Variants in TGFA observed in about 807,000 individuals in gnomAD.
The protein encoded by TGFA is protransforming growth factor alpha.
TGFA carries 12 observed loss-of-function variants against 21.7 expected under a neutral mutation model. The observed-to-expected ratio is 0.55, with a 90% CI of 0.35 to 0.90. The LOEUF is 0.90. TGFA is among the 40% of genes least tolerant of loss of function. The pLI, the probability that TGFA is intolerant of heterozygous loss-of-function variation, is 0.01. For missense variants in TGFA, 178 were observed against 210.8 expected, an observed-to-expected ratio of 0.84 and a Z score of 0.96; for synonymous variants, 79 against 88.1, an observed-to-expected ratio of 0.90 and a Z score of 0.58.
At chr2:70,519,418 C>T (rs910133943) in intron 1 of TGFA, among the ~76,000 whole-genome samples, 11 of 152,098 alleles carry the variant, frequency 7.2e-5, no homozygotes, top group Non-Finnish European at 1.3e-4. Context: ...ATTTTAACTG[C>T]GTAGCAAAAA....
intron 1 of TGFA, among the ~76,000 whole-genome samples, chr2:70,521,609 G>GTTTTTTT (rs797022948): frequency 0.013 from 998 of 78,514 alleles, 67 homozygotes; most frequent in South Asian, 0.028. Context: ...TTTTGTTGTT[G>GTTTTTTT]TTTGTTTGTT....
chr2:70,493,881 C>A (rs1254098769), intron 2 of TGFA, among the ~76,000 whole-genome samples: 6 of 152,194 alleles, frequency 3.9e-5, no homozygotes, highest in African/African-American at 1.4e-4. Context: ...TACATTAGTA[C>A]AAATTTGATT....
chr2:70,457,689 A>G (rs1436536744), intron 3 of TGFA, among the ~76,000 whole-genome samples: 2 of 151,784 alleles, frequency 1.3e-5, no homozygotes, highest in African/African-American at 2.4e-5. Flanking sequence ...TTACAGGCAC[A>G]TGCCACCATG....
intron 1 of TGFA, among the ~76,000 whole-genome samples, chr2:70,528,505 G>T (rs1270587226): frequency 1.3e-5 from 2 of 148,530 alleles, no homozygotes; most frequent in African/African-American, 5.0e-5. Context: ...GGGAGGGAAG[G>T]GTAGAACGAT....
intron 3 of TGFA, among the ~76,000 whole-genome samples, chr2:70,459,859 C>G (rs1670358483): frequency 6.6e-6 from 1 of 152,154 alleles, no homozygotes; most frequent in South Asian, 2.1e-4. Flanking sequence ...GTGAGGGAAC[C>G]CAACATGCTT....
chr2:70,457,993 C>G (rs568707378), intron 3 of TGFA, among the ~76,000 whole-genome samples: 1 of 152,184 alleles, frequency 6.6e-6, no homozygotes, highest in African/African-American at 2.4e-5. Context: ...CTAACCTTCG[C>G]TTTTAGATTA....
At chr2:70,522,265 G>C (rs1553502426) in intron 1 of TGFA, among the ~76,000 whole-genome samples, 1 of 152,142 alleles carries the variant, frequency 6.6e-6, no homozygotes, top group East Asian at 1.9e-4. Context: ...CTAGGGGCTG[G>C]GTAGTGAGTA....
At chr2:70,495,772 A>T (rs1671556283) in intron 2 of TGFA, among the ~76,000 whole-genome samples, 1 of 152,174 alleles carries the variant, frequency 6.6e-6, no homozygotes, top group Admixed American at 6.5e-5. Flanking sequence ...TGTACAGCAG[A>T]TCAATAAAGT....
chr2:70,456,123 C>A (rs1490674139), intron 4 of TGFA, among the ~76,000 whole-genome samples: 2 of 152,254 alleles, frequency 1.3e-5, no homozygotes, highest in African/African-American at 4.8e-5. Context: ...ACCAACCCCC[C>A]AGCTGGGGAT....
chr2:70,478,910 G>C (rs956568559), intron 2 of TGFA, among the ~76,000 whole-genome samples: 5 of 151,964 alleles, frequency 3.3e-5, no homozygotes, highest in Non-Finnish European at 5.9e-5. Context: ...AAAAAATTTA[G>C]TTTATTTTCT....
rs77014400 is a variant in TGFA at position 70,505,144 on chromosome 2, A to G, written c.94+9715T>C. 7.0e-4 allele frequency among the ~76,000 whole-genome samples: 107 copies of G among 152,326 alleles called. 1 individual carries two copies. In the East Asian group the frequency reaches 0.017, roughly 24 times the overall value. On this transcript the variant is annotated intron_variant, in intron 2 of 5. Transcript: ENST00000295400. ...ACAAATTCATTTTAAAGTGTCACTG[A>G]GTTCTCATAGCAGCTTTTGACCATT...
At chr2:70,501,310 G>A (rs563995259) in intron 2 of TGFA, among the ~76,000 whole-genome samples, 1 of 151,006 alleles carries the variant, frequency 6.6e-6, no homozygotes, top group South Asian at 2.1e-4. Context: ...CTCAAGAGAG[G>A]ACAGCCTGCA....
chr2:70,464,458 TG>T (rs782202679), intron 3 of TGFA, among the ~76,000 whole-genome samples: 2 of 152,262 alleles, frequency 1.3e-5, no homozygotes, highest in Admixed American at 6.5e-5. Context: ...GACTCTTAAC[TG>T]GGGGGCAATT....
At position 70,475,392 on chromosome 2, in the gene TGFA, G is replaced by C. The variant is rs567086347; in HGVS notation, c.95-9656C>G. Among the ~76,000 whole-genome samples the C allele has an allele frequency of 4.6e-5, 7 of 152,292 alleles. No individual in the cohort carries two copies. In the South Asian group the frequency reaches 1.0e-3, roughly 23 times the overall value. On this transcript the variant is annotated intron_variant, in intron 2 of 5. Transcript: ENST00000295400. ...TTACAGATGAAGAAAGTGGAGCTGAGGGGGGTTAAAGTTGTTCAATGATGC... is the reference window on the plus strand; with the variant it reads ...TTACAGATGAAGAAAGTGGAGCTGACGGGGGTTAAAGTTGTTCAATGATGC...
At chr2:70,451,807 C>A in intron 5 of TGFA, 1 of 692,196 alleles carries the variant, frequency 1.4e-6, no homozygotes, top group Admixed American at 2.2e-5. Context: ...TGGTTCTCAT[C>A]CTCACTCCCC....
chr2:70,473,746 C>G (rs1414275936), intron 2 of TGFA, among the ~76,000 whole-genome samples: 7 of 152,138 alleles, frequency 4.6e-5, no homozygotes, highest in East Asian at 1.9e-4. Flanking sequence ...TTATTAAACC[C>G]AAGATCACTA....
chr2:70,497,179 G>C (rs1553498471), intron 2 of TGFA, among the ~76,000 whole-genome samples: 2 of 152,326 alleles, frequency 1.3e-5, no homozygotes, highest in East Asian at 3.9e-4. Flanking sequence ...GCTACAGATG[G>C]AGTGGGAATG....
At chr2:70,513,589 G>A (rs1263830106) in intron 2 of TGFA, among the ~76,000 whole-genome samples, 4 of 152,182 alleles carry the variant, frequency 2.6e-5, no homozygotes, top group African/African-American at 9.7e-5. Flanking sequence ...GCACCTTAAG[G>A]GTCCAAGCGC....
chr2:70,489,951 T>C (rs1553497283), intron 2 of TGFA, among the ~76,000 whole-genome samples: 1 of 152,126 alleles, frequency 6.6e-6, no homozygotes, highest in African/African-American at 2.4e-5. Context: ...CCACACGCAT[T>C]GCAGTCACCT....
Sources: allele counts gnomAD v4.1 joint callset (sites outside exome capture counted in the v4.1 genomes callset), GRCh38; gene constraint gnomAD v4.1.1; transcripts MANE v1.5; gene names NCBI Gene and HGNC (gene_info 2026-07-23, HGNC 2026-07-21).